The following FRMPD4 variants were observed in gnomAD, a reference collection of about 807,000 sequenced individuals.
The protein encoded by FRMPD4 is FERM and PDZ domain containing 4.
In FRMPD4, 22 loss-of-function variants were observed where a neutral mutation model predicts 94.1. That is an observed-to-expected ratio of 0.23 (90% CI 0.17 to 0.33). The LOEUF (loss-of-function observed/expected upper bound fraction) is 0.33, where lower values mean the gene tolerates loss of function less well. Ranked by LOEUF, FRMPD4 falls within the 10% of genes least tolerant of loss-of-function variation. The pLI is 1.00. For missense variants in FRMPD4, 1,111 were observed against 1,339.9 expected (o/e 0.83, Z 2.67); for synonymous variants, 631 against 548.6 (o/e 1.15, Z -2.10).
chrX:12,337,993 G>T (rs2055553482), intron 1 of FRMPD4, among the ~76,000 whole-genome samples: 1 of 112,023 alleles, frequency 8.9e-6, no homozygotes, highest in African/African-American at 3.2e-5. Context: ...CTGGTGAGGG[G>T]TCCCTCTGCT....
rs745980202 is a variant in FRMPD4, at chrX:12,718,043, A to G, written c.3217A>G (p.Ser1073Gly). ...GKFGTVSSRD[S>G]QHLSTFNLER... Reference sequence around the variant, plus strand: ...ATTTGGTACTGTGTCTTCACGAGACAGTCAACACCTGAGCACTTTTAATCT... The same window carrying G: ...ATTTGGTACTGTGTCTTCACGAGACGGTCAACACCTGAGCACTTTTAATCT... Residue 1073 changes from serine to glycine, a missense_variant, in exon 16 of 17, where the codon AGT becomes GGT. Around this residue, in one of 8 missense-constraint regions of FRMPD4, gnomAD observed 551 missense variants for 591.6 expected, o/e 0.93. Coordinates refer to ENST00000675598, the MANE Select transcript of FRMPD4 (RefSeq NM_001368397.1). The G allele has an allele frequency of 2.5e-6, 3 of 1,211,665 alleles. No individual in the cohort carries two copies. The highest frequency in any genetic ancestry group is 5.9e-5 in the East Asian group (2 of 33,846).
At chrX:12,284,074 C>A (rs2054564877) in intron 1 of FRMPD4, among the ~76,000 whole-genome samples, 1 of 111,780 alleles carries the variant, frequency 8.9e-6, no homozygotes, top group Admixed American at 9.5e-5. Flanking sequence ...GCACTTCTCT[C>A]ATTTATTTTT....
rs1256672212 is a variant in FRMPD4, at chrX:12,607,581, G to T, written c.159-2140G>T. On this transcript the variant is annotated intron_variant, in intron 2 of 16. Transcript: ENST00000675598. ...CCCACACTTCAAATCAGAAGACCTGGTATGGATTGCACCTGGCTTACACCT... is the reference window on the plus strand; with the variant it reads ...CCCACACTTCAAATCAGAAGACCTGTTATGGATTGCACCTGGCTTACACCT... 2.7e-5 allele frequency among the ~76,000 whole-genome samples: 3 copies of T among 112,177 alleles called. No individual in the cohort carries two copies. In the East Asian group the frequency reaches 8.4e-4, roughly 31 times the overall value.
chrX:11,850,725 A>T (rs2053616497), intron 1 of FRMPD4, among the ~76,000 whole-genome samples: 1 of 112,492 alleles, frequency 8.9e-6, no homozygotes, highest in African/African-American at 3.2e-5. Flanking sequence ...GTATTGTATG[A>T]TTCTATACAG....
chrX:12,447,124 C>T (rs1024754889), intron 1 of FRMPD4, among the ~76,000 whole-genome samples: 9 of 111,302 alleles, frequency 8.1e-5, no homozygotes, highest in Admixed American at 1.9e-4. Flanking sequence ...TTCCAAATGA[C>T]GAAATTAATA....
At chrX:12,611,788 A>G (rs934358523) in intron 3 of FRMPD4, among the ~76,000 whole-genome samples, 2 of 112,006 alleles carry the variant, frequency 1.8e-5, no homozygotes, top group South Asian at 7.4e-4. Context: ...AATGTAGATC[A>G]TATTTTAGTT....
At chrX:11,838,181 G>T (rs2053512607) in intron 1 of FRMPD4, among the ~76,000 whole-genome samples, 1 of 111,215 alleles carries the variant, frequency 9.0e-6, no homozygotes, top group African/African-American at 3.3e-5. Flanking sequence ...ATATTTACAA[G>T]GCACCAACCC....
intron 1 of FRMPD4, among the ~76,000 whole-genome samples, chrX:12,267,658 G>A (rs1475610178): frequency 8.9e-6 from 1 of 112,801 alleles, no homozygotes; most frequent in African/African-American, 3.2e-5. Flanking sequence ...AGAATCTGGT[G>A]TTCATTTGCT....
At chrX:12,550,746 T>C (rs367753879) in intron 2 of FRMPD4, among the ~76,000 whole-genome samples, 3 of 110,683 alleles carry the variant, frequency 2.7e-5, no homozygotes, top group South Asian at 7.7e-4. Context: ...TAGAACATAA[T>C]CATACTTGAT....
chrX:12,681,209 T>G (rs1312704183), intron 5 of FRMPD4, among the ~76,000 whole-genome samples: 1 of 112,069 alleles, frequency 8.9e-6, no homozygotes, highest in Non-Finnish European at 1.9e-5. Context: ...GTAGCTTTAT[T>G]ACAGCCGCTT....
Position 12,647,447 on chromosome X carries a change from C to T in FRMPD4, c.423-27416C>T, listed in dbSNP as rs185522970. Among the ~76,000 whole-genome samples, 14 of 111,358 alleles carry T rather than the reference C, an allele frequency of 1.3e-4. No individual in the cohort carries two copies. In the East Asian group the frequency reaches 4.0e-3, roughly 32 times the overall value. On this transcript the variant is annotated intron_variant, in intron 4 of 16. Transcript: ENST00000675598. ...GAGTGGAGGTATTTATACTCTAATT[C>T]TTGTCAGGTATTGAATGAGGACTCC...
rs1247916645 is a variant in FRMPD4 at position 12,716,908 on chromosome X, A to T, written c.2449A>T (p.Ser817Cys). ...IAAPPPGFRD[S>C]SDEEDSQSQA... Reference sequence around the variant, plus strand: ...CGCACCCCCACCTGGCTTTAGAGACAGTTCAGATGAAGAGGACTCTCAGAG... The same window carrying T: ...CGCACCCCCACCTGGCTTTAGAGACTGTTCAGATGAAGAGGACTCTCAGAG... Residue 817 changes from serine (S) to cysteine (C), a missense_variant, in exon 15 of 17, where the codon AGT becomes TGT. Coordinates refer to ENST00000675598, the MANE Select transcript of FRMPD4 (RefSeq NM_001368397.1). The T allele has an allele frequency of 8.3e-7, 1 of 1,210,902 alleles. No homozygotes were observed. The highest frequency in any genetic ancestry group is 1.1e-6 in the Non-Finnish European group (1 of 894,551).
chrX:12,694,373 T>C lies in FRMPD4; in HGVS notation c.852T>C (p.Leu284=). The change falls in exon 9 of 17, where the codon CTT becomes CTC. Residue 284 remains leucine, a synonymous_variant. Coordinates refer to ENST00000675598, the MANE Select transcript of FRMPD4 (RefSeq NM_001368397.1). The stretch of plus-strand genomic sequence containing the variant: ...CCAGCTCCCATAAGATGAGATGTCT[T>C]TTCCGAATTAGCTTCGTCCCAAAAG... The part of the protein sequence containing the change: ...QRPSSHKMRC[L]FRISFVPKDP... 8.4e-7 allele frequency: 1 copy of C among 1,194,100 alleles called. No homozygotes were observed. Among genetic ancestry groups the C allele is most frequent in the Non-Finnish European group, 1.1e-6 (1 of 879,320 alleles).
At position 12,183,819 on chromosome X, in the gene FRMPD4, G is replaced by A. The variant is rs181565104; in HGVS notation, c.41+44807G>A. 3.6e-5 allele frequency among the ~76,000 whole-genome samples: 4 copies of A among 110,337 alleles called. No homozygotes were observed. In the East Asian group the frequency reaches 8.7e-4, roughly 24 times the overall value. On this transcript the variant is annotated intron_variant, in intron 1 of 16. Transcript: ENST00000675598. ...TGTTCTTTAGAATATATAAATAGAA[G>A]CATTGAACATACACTTGGAGCTTTC... is the stretch of plus-strand genomic sequence containing the variant.
intron 2 of FRMPD4, among the ~76,000 whole-genome samples, chrX:12,557,752 C>G (rs1293504877): frequency 9.0e-6 from 1 of 111,197 alleles, no homozygotes; most frequent in Non-Finnish European, 1.9e-5. Flanking sequence ...AATGCTGGAC[C>G]CCCCCTCCCC....
At chrX:12,532,291 G>A (rs2058293699) in intron 2 of FRMPD4, among the ~76,000 whole-genome samples, 1 of 111,649 alleles carries the variant, frequency 9.0e-6, no homozygotes, top group African/African-American at 3.3e-5. Flanking sequence ...AATTAATTAT[G>A]TAGAGGCCAA....
At chrX:12,488,963 T>A (rs771186757) in intron 1 of FRMPD4, among the ~76,000 whole-genome samples, 1 of 112,246 alleles carries the variant, frequency 8.9e-6, no homozygotes, top group Non-Finnish European at 1.9e-5. Context: ...AACACAGCCA[T>A]GTCCGTTAGT....
intron 3 of FRMPD4, among the ~76,000 whole-genome samples, chrX:12,081,105 G>T (rs1361275519): frequency 1.8e-5 from 2 of 111,589 alleles, no homozygotes; most frequent in African/African-American, 6.5e-5. Context: ...CTAGACTATG[G>T]TTTACTACAA....
intron 2 of FRMPD4, among the ~76,000 whole-genome samples, chrX:12,510,100 CA>C (rs746890728): frequency 9.0e-6 from 1 of 111,588 alleles, no homozygotes; most frequent in South Asian, 3.8e-4. Flanking sequence ...CTGTGAGGTA[CA>C]AGCAACAAAA....
Sources: allele counts gnomAD v4.1 joint callset (sites outside exome capture counted in the v4.1 genomes callset), GRCh38; gene constraint gnomAD v4.1.1; regional missense constraint gnomAD v4.1.1; transcripts MANE v1.5; gene names NCBI Gene and HGNC (gene_info 2026-07-23, HGNC 2026-07-21).